KIAA1217: variants seen among roughly 807,000 people sequenced by gnomAD.
KIAA1217 encodes the protein sickle tail protein homolog.
A neutral mutation model predicts 163.9 loss-of-function variants in KIAA1217; 88 were observed. That is an observed-to-expected ratio of 0.54 (90% CI 0.45 to 0.64). The LOEUF is 0.64. Among genes scored for constraint, KIAA1217 ranks in the 30% least tolerant of loss-of-function variants. The pLI, the probability that KIAA1217 is intolerant of heterozygous loss-of-function variation, is 0.00. For synonymous variants in KIAA1217, 903 were observed against 923.1 expected, an observed-to-expected ratio of 0.98 and a Z score of 0.39; for missense variants, 2,372 against 2,475.0, an observed-to-expected ratio of 0.96 and a Z score of 0.88.
At position 24,390,413 on chromosome 10, in the gene KIAA1217, G is replaced by A. The variant is rs150279715; in HGVS notation, c.553+9346G>A. 2.7e-3 allele frequency among the ~76,000 whole-genome samples: 381 copies of A among 139,136 alleles called. 4 individuals carry two copies. Among genetic ancestry groups the A allele is most frequent in the Admixed American group, 0.02 (274 of 13,376 alleles). The allele number at this position is 139,136 out of a possible 152,430, so 91.3% of individuals were successfully genotyped here. On this transcript the variant is annotated intron_variant, in intron 3 of 20. Coordinates refer to ENST00000376454, the MANE Select transcript of KIAA1217 (RefSeq NM_019590.5). The stretch of plus-strand genomic sequence containing the variant: ...GTAAAAAATACAATAAAATAAAACC[G>A]ATACACACAATAAAAATTAAATAGG...
intron 2 of KIAA1217, among the ~76,000 whole-genome samples, chr10:24,289,605 G>A (rs1177421051): frequency 2.0e-5 from 3 of 152,156 alleles, no homozygotes; most frequent in Non-Finnish European, 4.4e-5. Flanking sequence ...CTGAAAATGA[G>A]AGAAGAGGTT....
At chr10:24,397,966 ATC>A (rs779411762) in intron 3 of KIAA1217, among the ~76,000 whole-genome samples, 17 of 152,146 alleles carry the variant, frequency 1.1e-4, no homozygotes, top group Non-Finnish European at 2.1e-4. Context: ...AAGTTAATCA[ATC>A]TCTGAGCCAT....
intron 2 of KIAA1217, among the ~76,000 whole-genome samples, chr10:24,121,769 G>A (rs2063290210): frequency 6.6e-6 from 1 of 152,108 alleles, no homozygotes; most frequent in Non-Finnish European, 1.5e-5. Context: ...TATGGGAAGG[G>A]AAGTCACTGG....
At chr10:24,161,291 G>A (rs1329397669) in intron 2 of KIAA1217, among the ~76,000 whole-genome samples, 1 of 152,208 alleles carries the variant, frequency 6.6e-6, no homozygotes, top group Non-Finnish European at 1.5e-5. Context: ...CATTTCAAAA[G>A]ACAGTAATTC....
At chr10:23,869,390 G>T (rs931059491) in intron 1 of KIAA1217, among the ~76,000 whole-genome samples, 11 of 152,086 alleles carry the variant, frequency 7.2e-5, no homozygotes, top group African/African-American at 2.2e-4. Context: ...CAAGTCAACA[G>T]ACTTGTTTCA....
At chr10:23,762,249 C>T (rs1375978398) in intron 1 of KIAA1217, among the ~76,000 whole-genome samples, 1 of 151,890 alleles carries the variant, frequency 6.6e-6, no homozygotes, top group Admixed American at 6.6e-5. Flanking sequence ...AAAGAAGGGA[C>T]TCCTCCCTAA....
chr10:23,841,665 A>G (rs1838789020), intron 1 of KIAA1217, among the ~76,000 whole-genome samples: 1 of 151,904 alleles, frequency 6.6e-6, no homozygotes, highest in Non-Finnish European at 1.5e-5. Flanking sequence ...TTTTGTCCCA[A>G]TAAGCAGTAT....
At chr10:24,440,565 A>T (rs1006221863) in intron 5 of KIAA1217, among the ~76,000 whole-genome samples, 13 of 152,174 alleles carry the variant, frequency 8.5e-5, no homozygotes, top group African/African-American at 2.9e-4. Flanking sequence ...GAGAGTATCG[A>T]ATATTGACCG....
At chr10:24,394,477 G>T (rs1037357591) in intron 3 of KIAA1217, among the ~76,000 whole-genome samples, 2 of 151,750 alleles carry the variant, frequency 1.3e-5, no homozygotes, top group African/African-American at 2.4e-5. Flanking sequence ...CTCCATTCAT[G>T]TGTTTATTAA....
chr10:24,395,326 C>T (rs1478352358), intron 3 of KIAA1217, among the ~76,000 whole-genome samples: 1 of 152,180 alleles, frequency 6.6e-6, no homozygotes, highest in Non-Finnish European at 1.5e-5. Context: ...CCCTGTTGCT[C>T]CGGTCTTGGA....
In KIAA1217 at chr10:24,000,761, G is replaced by T. The variant is rs16924192; in HGVS notation, c.-320-6464G>T. Among the ~76,000 whole-genome samples, 491 of 152,362 alleles carry T rather than the reference G, an allele frequency of 3.2e-3. 5 individuals carry two copies. The highest frequency in any genetic ancestry group is 0.025 in the East Asian group (128 of 5,186). ...ACTGTCAGATTTATTCAAGTACACA[G>T]CTTCCTCTGGCTGTTGGATGCCGTG... On this transcript the variant is annotated intron_variant, in intron 1 of 18. Coordinates refer to the KIAA1217 transcript ENST00000376462.
At chr10:24,414,969 C>A (rs775324885) in intron 3 of KIAA1217, among the ~76,000 whole-genome samples, 1 of 152,002 alleles carries the variant, frequency 6.6e-6, no homozygotes, top group Non-Finnish European at 1.5e-5. Flanking sequence ...TTTTTAAGGG[C>A]GGATTGGAAA....
At chr10:23,946,854 TC>T (rs1235411385) in intron 1 of KIAA1217, among the ~76,000 whole-genome samples, 1 of 152,172 alleles carries the variant, frequency 6.6e-6, no homozygotes, top group Non-Finnish European at 1.5e-5. Flanking sequence ...TTTTGCTGTG[TC>T]CCCACCCAAA....
At chr10:24,409,384 C>A (rs1177132851) in intron 3 of KIAA1217, among the ~76,000 whole-genome samples, 2 of 152,092 alleles carry the variant, frequency 1.3e-5, no homozygotes, top group East Asian at 3.9e-4. Context: ...GATTTCATTT[C>A]TTCAAAATTC....
intron 2 of KIAA1217, among the ~76,000 whole-genome samples, chr10:24,250,867 T>C (rs1305607078): frequency 6.7e-6 from 1 of 150,320 alleles, no homozygotes; most frequent in African/African-American, 2.5e-5. Flanking sequence ...AGAGAGCAGA[T>C]TGCTTGAGAC....
At chr10:24,174,907 G>C (rs1029541207) in intron 2 of KIAA1217, among the ~76,000 whole-genome samples, 1 of 152,078 alleles carries the variant, frequency 6.6e-6, no homozygotes, top group African/African-American at 2.4e-5. Flanking sequence ...ACCCAGGCTG[G>C]AGTGCAGTGG....
At chr10:24,419,198 A>G (rs1255938208) in intron 3 of KIAA1217, among the ~76,000 whole-genome samples, 1 of 151,724 alleles carries the variant, frequency 6.6e-6, no homozygotes, top group Non-Finnish European at 1.5e-5. Context: ...AAAGAAAGAA[A>G]ATCTCATTCT....
chr10:24,268,990 A>G (rs1381878578), intron 2 of KIAA1217, among the ~76,000 whole-genome samples: 8 of 141,742 alleles, frequency 5.6e-5, no homozygotes, highest in African/African-American at 1.6e-4. Flanking sequence ...ATTCTCACTC[A>G]TAGGTGGGAA....
chr10:24,095,116 G>C, intron 2 of KIAA1217, among the ~76,000 whole-genome samples: 1 of 152,284 alleles, frequency 6.6e-6, no homozygotes, highest in Non-Finnish European at 1.5e-5. Context: ...GGAGTGGCCC[G>C]ATTTTCCAGG....
Sources: allele counts gnomAD v4.1 joint callset (sites outside exome capture counted in the v4.1 genomes callset), GRCh38; gene constraint gnomAD v4.1.1; transcripts MANE v1.5; gene names NCBI Gene and HGNC (gene_info 2026-07-23, HGNC 2026-07-21).